The following MARCHF3 variants were observed in gnomAD, a reference collection of about 807,000 sequenced individuals.
MARCHF3 encodes E3 ubiquitin-protein ligase MARCHF3.
A neutral mutation model predicts 24.2 loss-of-function variants in MARCHF3; 13 were observed. The observed-to-expected ratio is 0.54, with a 90% CI of 0.35 to 0.85. The LOEUF is 0.85. Among genes scored for constraint, MARCHF3 ranks in the 40% least tolerant of loss-of-function variants. The probability of loss-of-function intolerance (pLI) is 0.01; values close to 1 mark genes in which losing one functional copy is unlikely to be tolerated. For synonymous variants in MARCHF3, 144 were observed against 137.3 expected (o/e 1.05, Z -0.34); for missense variants, 276 against 325.0 (o/e 0.85, Z 1.16).
chr5:126,915,054 G>A lies in MARCHF3; in HGVS notation c.269C>T (p.Thr90Ile). The change falls in exon 3 of 5, where the codon ACA becomes ATA. Residue 90 changes from threonine (T) to isoleucine (I), a missense_variant. Transcript: ENST00000308660. Reference sequence around the variant, plus strand: ...CCGATGAATTGTCCCCAAGGTCCCTGTACATTCACATGGAGAGAGCAAGTC... The same window carrying A: ...CCGATGAATTGTCCCCAAGGTCCCTATACATTCACATGGAGAGAGCAAGTC... ...QEDLLSPCECTGTLGTIHRSC... is the reference protein window; with the variant it reads ...QEDLLSPCECIGTLGTIHRSC... 6.2e-7 allele frequency: 1 copy of A among 1,614,186 alleles called. No homozygotes were observed. Among genetic ancestry groups the A allele is most frequent in the Non-Finnish European group, 8.5e-7 (1 of 1,180,024 alleles).
Position 126,869,183 on chromosome 5 carries a change from C to T in MARCHF3, c.*1450G>A, listed in dbSNP as rs903698189. Reference sequence around the variant, plus strand: ...ACCCTCCTCGCTGCCTGTTCCTTTGCACTTCTCGTTTTCCCACTTGGAACA... The same window carrying T: ...ACCCTCCTCGCTGCCTGTTCCTTTGTACTTCTCGTTTTCCCACTTGGAACA... On this transcript the variant is annotated 3_prime_UTR_variant, in exon 5 of 5. Coordinates refer to ENST00000308660, the MANE Select transcript of MARCHF3 (RefSeq NM_178450.5). 8 of 152,268 alleles carry T rather than the reference C, an allele frequency of 5.3e-5. No homozygotes were observed. Among genetic ancestry groups the T allele is most frequent in the African/African-American group, 1.9e-4 (8 of 41,464 alleles). The allele number at this position is 152,268 out of a possible 1,614,324, so 9.4% of individuals were successfully genotyped here.
At chr5:126,931,454 G>C (rs184950812) in intron 1 of MARCHF3, among the ~76,000 whole-genome samples, 1 of 152,166 alleles carries the variant, frequency 6.6e-6, no homozygotes, top group East Asian at 1.9e-4. Flanking sequence ...TCTAGTAAAT[G>C]GTTCTGTGCT....
chr5:126,885,961 C>T (rs980904097), intron 3 of MARCHF3, among the ~76,000 whole-genome samples: 1 of 151,260 alleles, frequency 6.6e-6, no homozygotes, highest in East Asian at 1.9e-4. Flanking sequence ...ATTCAAGATC[C>T]CTTGTGCTGT....
intron 1 of MARCHF3, among the ~76,000 whole-genome samples, chr5:127,009,833 T>C (rs1370932891): frequency 6.6e-6 from 1 of 152,182 alleles, no homozygotes; most frequent in Non-Finnish European, 1.5e-5. Context: ...ACAGCCAAAA[T>C]TGCAACTTAG....
At chr5:126,995,023 T>C (rs111343957) in intron 1 of MARCHF3, among the ~76,000 whole-genome samples, 5 of 152,190 alleles carry the variant, frequency 3.3e-5, no homozygotes, top group African/African-American at 1.2e-4. Flanking sequence ...GCTTTATTCT[T>C]GCTGCACTGG....
intron 1 of MARCHF3, among the ~76,000 whole-genome samples, chr5:126,987,550 T>A (rs545456017): frequency 6.6e-6 from 1 of 152,230 alleles, no homozygotes; most frequent in East Asian, 1.9e-4. Flanking sequence ...AACAAATATT[T>A]CTCTGTCTTT....
At chr5:126,979,993 A>T (rs1280068946) in intron 1 of MARCHF3, among the ~76,000 whole-genome samples, 4 of 151,292 alleles carry the variant, frequency 2.6e-5, no homozygotes, top group African/African-American at 9.7e-5. Flanking sequence ...GAAATCCTGT[A>T]TACTAATTGA....
chr5:126,896,963 G>A (rs984688313), intron 3 of MARCHF3, among the ~76,000 whole-genome samples: 7 of 151,820 alleles, frequency 4.6e-5, no homozygotes, highest in African/African-American at 1.7e-4. Flanking sequence ...TACAGGAAAG[G>A]GTAAGAGGCA....
At chr5:126,876,865 G>T (rs1453352398) in intron 4 of MARCHF3, among the ~76,000 whole-genome samples, 2 of 152,136 alleles carry the variant, frequency 1.3e-5, no homozygotes, top group African/African-American at 2.4e-5. Flanking sequence ...GGCCAGGCTG[G>T]TCTCGAACTT....
chr5:126,926,717 C>G (rs1349694265), intron 1 of MARCHF3, among the ~76,000 whole-genome samples: 2 of 152,018 alleles, frequency 1.3e-5, no homozygotes, highest in Non-Finnish European at 2.9e-5. Flanking sequence ...TGGCTTTGAA[C>G]CACCACCCAG....
At chr5:126,893,450 C>T (rs539396314) in intron 3 of MARCHF3, among the ~76,000 whole-genome samples, 19 of 151,798 alleles carry the variant, frequency 1.3e-4, no homozygotes, top group African/African-American at 2.4e-5. Context: ...TCCCTCTACA[C>T]ACTGCTTTGA....
At chr5:126,888,772 T>C (rs1239620646) in intron 3 of MARCHF3, among the ~76,000 whole-genome samples, 1 of 152,192 alleles carries the variant, frequency 6.6e-6, no homozygotes, top group Non-Finnish European at 1.5e-5. Flanking sequence ...CTGTGTGGTT[T>C]TTCTTTTTTT....
chr5:126,909,482 C>T (rs752985175), intron 3 of MARCHF3, among the ~76,000 whole-genome samples: 12 of 152,224 alleles, frequency 7.9e-5, no homozygotes, highest in Non-Finnish European at 1.8e-4. Flanking sequence ...ACTCCGTGGG[C>T]GTAGGACCCT....
intron 3 of MARCHF3, among the ~76,000 whole-genome samples, chr5:126,894,349 A>T (rs868679118): frequency 0.016 from 2,454 of 149,484 alleles, 71 homozygotes; most frequent in African/African-American, 0.057. Flanking sequence ...TTAGCTGGTT[A>T]TTTTGCTCGT....
At chr5:126,995,154 A>G (rs930779057) in intron 1 of MARCHF3, among the ~76,000 whole-genome samples, 1 of 152,224 alleles carries the variant, frequency 6.6e-6, no homozygotes, top group Non-Finnish European at 1.5e-5. Context: ...AATACTTTGC[A>G]TCCTTCAATC....
chr5:126,919,004 A>G (rs1368578230), intron 1 of MARCHF3, among the ~76,000 whole-genome samples: 1 of 152,242 alleles, frequency 6.6e-6, no homozygotes, highest in African/African-American at 2.4e-5. Context: ...ATGTATATGC[A>G]TCATCATAGG....
At chr5:126,935,115 G>A (rs1029677510) in intron 1 of MARCHF3, among the ~76,000 whole-genome samples, 1 of 152,202 alleles carries the variant, frequency 6.6e-6, no homozygotes, top group Non-Finnish European at 1.5e-5. Context: ...AGTGGTATAG[G>A]TGTGATGGCT....
At chr5:126,986,335 A>C (rs911329015) in intron 1 of MARCHF3, among the ~76,000 whole-genome samples, 2 of 152,238 alleles carry the variant, frequency 1.3e-5, no homozygotes, top group Non-Finnish European at 2.9e-5. Flanking sequence ...AAAATCTCTA[A>C]GTATCATATT....
chr5:126,883,452 G>A (rs980747727), intron 3 of MARCHF3, among the ~76,000 whole-genome samples: 4 of 152,122 alleles, frequency 2.6e-5, no homozygotes, highest in African/African-American at 9.7e-5. Flanking sequence ...TGAACCATGA[G>A]GTTGATCAAT....
Sources: gnomAD v4.1 joint callset for allele counts (sites outside exome capture counted in the v4.1 genomes callset) on GRCh38, gnomAD v4.1.1 for gene constraint, MANE v1.5 for transcripts, NCBI Gene and HGNC (gene_info 2026-07-23, HGNC 2026-07-21) for gene names.